Variants in DIP2A observed in about 807,000 individuals in gnomAD.
The protein encoded by DIP2A is disco-interacting protein 2 homolog A.
In DIP2A, 85 loss-of-function variants were observed where a neutral mutation model predicts 177.4. The observed-to-expected ratio is 0.48, with a 90% CI of 0.40 to 0.57. The LOEUF is 0.57. DIP2A is among the 20% of genes least tolerant of loss of function. DIP2A has a pLI of 0.00. For synonymous variants in DIP2A, 886 were observed against 881.8 expected (o/e 1.00, Z -0.08); for missense variants, 1,791 against 2,100.2 (o/e 0.85, Z 2.88).
chr21:46,484,856 T>C (rs1438790864), intron 2 of DIP2A, 28 bp downstream of exon 2: 1 of 1,521,702 alleles, frequency 6.6e-7, no homozygotes, highest in South Asian at 1.3e-5. Context: ...AGGTGTTACA[T>C]AGCAATTATA....
At chr21:46,577,851 C>T in the DIP2A span, among the ~76,000 whole-genome samples, 1 of 152,146 alleles carries the variant, frequency 6.6e-6, no homozygotes, top group Admixed American at 6.5e-5. Flanking sequence ...TCCTTCACTT[C>T]CCTTGTTAAC....
At chr21:46,522,953 CT>C (rs2058891969) in intron 8 of DIP2A, among the ~76,000 whole-genome samples, 1 of 151,782 alleles carries the variant, frequency 6.6e-6, no homozygotes, top group Non-Finnish European at 1.5e-5. Context: ...GAGATGGAGT[CT>C]TGCTCTTGTT....
At chr21:46,571,463 G>A (rs1050294723), downstream of DIP2A, among the ~76,000 whole-genome samples, 6 of 152,194 alleles carry the variant, frequency 3.9e-5, no homozygotes, top group African/African-American at 1.4e-4. Context: ...GATGGGGATA[G>A]CATTGAATTT....
At position 46,461,271 on chromosome 21, in the gene DIP2A, C is replaced by CAAAAAAAAAAAAAAAAAAAA. The variant is rs60346777; in HGVS notation, c.91+2052_91+2071dup. 4.5e-4 allele frequency among the ~76,000 whole-genome samples: 22 copies of CAAAAAAAAAAAAAAAAAAAA among 49,320 alleles called. 1 individual carries two copies. The highest frequency in any genetic ancestry group is 6.4e-4 in the Admixed American group (2 of 3,134). 32.4% of individuals were successfully genotyped at this position (49,320 alleles called of 152,430 possible). On this transcript the variant is annotated intron_variant, in intron 1 of 37. Transcript: ENST00000417564. ...AGAGCGAGAACCTGTCTCTTCTCAC[C>CAAAAAAAAAAAAAAAAAAAA]AAAAAAAAAAAAAAAAAAAAAAGGA...
At position 46,539,880 on chromosome 21, in the gene DIP2A, C is replaced by G; in HGVS notation, c.1925C>G (p.Ser642Trp). Residue 642 changes from serine to tryptophan, a missense_variant, in exon 17 of 38, where the codon TCG (serine) becomes TGG (tryptophan). Transcript: ENST00000417564. ...CCACTCTTGTTGCTCTGTGCAGGGT[C>G]GATCTCCTCCTGTGACGCCTTCCTC... ...LIVADGANPW[S>W]ISSCDAFLNV... is the part of the protein sequence containing the mutation. 2 of 1,613,410 alleles carry G rather than the reference C, an allele frequency of 1.2e-6. No individual in the cohort carries two copies. The highest frequency in any genetic ancestry group is 1.7e-6 in the Non-Finnish European group (2 of 1,179,386).
chr21:46,491,982 A>G (rs1427407317), intron 3 of DIP2A, among the ~76,000 whole-genome samples: 1 of 152,114 alleles, frequency 6.6e-6, no homozygotes, highest in East Asian at 1.9e-4. Context: ...TTTAATCCTG[A>G]TGAAGTCTAA....
downstream of DIP2A, among the ~76,000 whole-genome samples, chr21:46,575,010 T>C (rs2060983085): frequency 6.6e-6 from 1 of 152,144 alleles, no homozygotes; most frequent in South Asian, 2.1e-4. Context: ...CTTCTGAACA[T>C]TGATGTAAAA....
chr21:46,511,042 C>T (rs1468880346), intron 7 of DIP2A, among the ~76,000 whole-genome samples: 1 of 152,144 alleles, frequency 6.6e-6, no homozygotes, highest in African/African-American at 2.4e-5. Flanking sequence ...GAGTGGGCCA[C>T]CAGGTCCTAT....
At chr21:46,551,175 C>T (rs1323733814) in intron 23 of DIP2A, among the ~76,000 whole-genome samples, 1 of 152,198 alleles carries the variant, frequency 6.6e-6, no homozygotes, top group African/African-American at 2.4e-5. Flanking sequence ...TCATTTTATA[C>T]ATTTAAAAGC....
chr21:46,499,907 G>A (rs2057558651), intron 5 of DIP2A, among the ~76,000 whole-genome samples: 1 of 152,162 alleles, frequency 6.6e-6, no homozygotes, highest in Non-Finnish European at 1.5e-5. Flanking sequence ...CAGTTTTCTT[G>A]ATTCCTATTC....
rs771601313 is a variant in DIP2A, at chr21:46,567,500, G to T, written c.4594G>T (p.Val1532Leu). The T allele has an allele frequency of 6.2e-7, 1 of 1,613,954 alleles. No individual in the cohort carries two copies. Reference sequence around the variant, plus strand: ...GGAGCACTACCTGGTCGTGGGAGTGGTGGTCATCGTGGACCCAGGGGTGAT... The same window carrying T: ...GGAGCACTACCTGGTCGTGGGAGTGTTGGTCATCGTGGACCCAGGGGTGAT... ...LEEHYLVVGV[V>L]VIVDPGVIPI... is the part of the protein sequence containing the mutation. The change falls in exon 38 of 38, where the codon GTG becomes TTG. Residue 1532 changes from valine to leucine, a missense_variant. By Grantham distance (32) the Val-to-Leu change is conservative. Transcript: ENST00000417564.
chr21:46,558,897 G>A (rs1037084576), intron 32 of DIP2A: 3 of 201,238 alleles, frequency 1.5e-5, no homozygotes, highest in Admixed American at 1.1e-4. Context: ...TCAGGAATTC[G>A]AGACCAGCCT....
intron 31 of DIP2A, among the ~76,000 whole-genome samples, 168 bp from the exon 32 acceptor site, chr21:46,558,055 T>A (rs778587634): frequency 1.3e-5 from 2 of 152,304 alleles, no homozygotes; most frequent in Admixed American, 1.3e-4. Flanking sequence ...GGGAATCGTT[T>A]AGCGCATCCA....
Position 46,567,515 on chromosome 21 carries a change from C to T in DIP2A, c.4609C>T (p.Pro1537Ser). The change falls in exon 38 of 38, where the codon CCA becomes TCA. Residue 1537 changes from proline (P) to serine (S), a missense_variant. Transcript: ENST00000417564. ...LVVGVVVIVDPGVIPINSRGE... is the reference protein window; with the variant it reads ...LVVGVVVIVDSGVIPINSRGE... ...CGTGGGAGTGGTGGTCATCGTGGAC[C>T]CAGGGGTGATCCCTATCAACTCTCG... 1.2e-6 allele frequency: 2 copies of T among 1,613,780 alleles called. No individual in the cohort carries two copies. The highest frequency in any genetic ancestry group is 1.7e-6 in the Non-Finnish European group (2 of 1,179,858).
At position 46,555,015 on chromosome 21, in the gene DIP2A, AAC is replaced by A. The variant is rs1354147319; in HGVS notation, c.3388+87_3388+88del. 1.3e-4 allele frequency: 180 copies of A among 1,396,420 alleles called. 2 individuals carry two copies. The East Asian group carries it at 4.1e-3, about 32-fold the overall frequency. The allele number at this position is 1,396,420 out of a possible 1,614,324, so 86.5% of individuals were successfully genotyped here. A position where few individuals can be genotyped will look rare whatever the true frequency, so the allele number is the denominator to read the frequency against. ...TGGTGTGGCCTGGCTGCCGTCCAAA[AAC>A]ACACGTGAGGCAAGAGCAGTCCTGG... On this transcript the variant is annotated intron_variant, in intron 28 of 37. Transcript: ENST00000417564.
At chr21:46,482,463 G>A (rs925786793) in intron 1 of DIP2A, among the ~76,000 whole-genome samples, 3 of 152,128 alleles carry the variant, frequency 2.0e-5, no homozygotes, top group Admixed American at 1.3e-4. Flanking sequence ...CATATAATTA[G>A]GTACTGTACA....
At position 46,537,453 on chromosome 21, in the gene DIP2A, T is replaced by C. The variant is rs1018696040; in HGVS notation, c.1715T>C (p.Met572Thr). The change falls in exon 15 of 38, where the codon ATG becomes ACG. Residue 572 changes from methionine (M) to threonine (T), a missense_variant. Physicochemically the swap from Met to Thr is moderately conservative, Grantham distance 81. Coordinates refer to ENST00000417564, the MANE Select transcript of DIP2A (RefSeq NM_015151.4). The surrounding 1 kb of genome is among the most constrained non-coding windows in gnomAD (Gnocchi z 4.1). ...GLWHGVLTSV[M>T]NRMHVVSVPY... ...ATGTGTGCTCCCCCACAGAGCGTCA[T>C]GAACAGGATGCACGTGGTCAGCGTC... 6.2e-7 allele frequency: 1 copy of C among 1,614,044 alleles called. No homozygotes were observed. The highest frequency in any genetic ancestry group is 1.3e-5 in the African/African-American group (1 of 74,912).
chr21:46,508,353 C>CTTTTT (rs571637777), intron 6 of DIP2A, among the ~76,000 whole-genome samples: 14 of 90,476 alleles, frequency 1.5e-4, no homozygotes, highest in Non-Finnish European at 2.1e-4. Flanking sequence ...TGGCCAATGA[C>CTTTTT]TTTTTTTTTT....
At chr21:46,464,715 C>T (rs923000649) in intron 1 of DIP2A, among the ~76,000 whole-genome samples, 1 of 151,948 alleles carries the variant, frequency 6.6e-6, no homozygotes, top group Non-Finnish European at 1.5e-5. Context: ...TAACCTGTCC[C>T]TGCGATAACA....
Sources: gnomAD v4.1 joint callset for allele counts (sites outside exome capture counted in the v4.1 genomes callset) on GRCh38, gnomAD v4.1.1 for gene constraint, Gnocchi (gnomAD v3.1) non-coding constraint, MANE v1.5 for transcripts, NCBI Gene and HGNC (gene_info 2026-07-23, HGNC 2026-07-21) for gene names.